The following PCDHGA3 variants were observed in gnomAD, a reference collection of about 807,000 sequenced individuals.
PCDHGA3 encodes protocadherin gamma subfamily A, 3, also known as protocadherin gamma-A3.
PCDHGA3 carries 40 observed loss-of-function variants against 58.5 expected under a neutral mutation model. That is an observed-to-expected ratio of 0.68 (90% confidence interval 0.53 to 0.89). The LOEUF is 0.89. PCDHGA3 is among the 40% of genes least tolerant of loss of function. The pLI is 0.00. For missense variants in PCDHGA3, 1,223 were observed against 1,195.9 expected (o/e 1.02, Z -0.33); for synonymous variants, 530 against 525.7 (o/e 1.01, Z -0.11).
chr5:141,357,723 T>C, intron 1 of PCDHGA3: 2 of 1,391,112 alleles, frequency 1.4e-6, no homozygotes, highest in Admixed American at 5.3e-5. Flanking sequence ...AAGTTGCCTC[T>C]TTTAATATTT....
intron 1 of PCDHGA3, among the ~76,000 whole-genome samples, chr5:141,472,980 C>CAAAAAAAAAAAAAAAAAGAAAAAAA (rs2099309731): frequency 1.2e-5 from 1 of 86,102 alleles, no homozygotes; most frequent in African/African-American, 3.9e-5. Flanking sequence ...GAGTGAAACT[C>CAAAAAAAAAAAAAAAAAGAAAAAAA]AAAAAAAAAA....
chr5:141,468,815 A>G (rs866523229), intron 1 of PCDHGA3, among the ~76,000 whole-genome samples: 7 of 151,958 alleles, frequency 4.6e-5, no homozygotes, highest in Middle Eastern at 3.4e-3. Context: ...GCAGTGAGCC[A>G]AGATCAAGCC....
At chr5:141,456,971 A>G (rs1031714073) in intron 1 of PCDHGA3, among the ~76,000 whole-genome samples, 1 of 147,384 alleles carries the variant, frequency 6.8e-6, no homozygotes, top group Non-Finnish European at 1.5e-5. Context: ...TCAAAACAAA[A>G]CAAACAAACA....
intron 1 of PCDHGA3, chr5:141,366,096 C>A (rs763995838): frequency 5.6e-6 from 9 of 1,614,108 alleles, no homozygotes; most frequent in Middle Eastern, 1.6e-4. Context: ...TACCTGGTGA[C>A]CAAGGTGGTA....
At chr5:141,394,154 C>A (rs770076493) in intron 1 of PCDHGA3, 1 of 1,613,918 alleles carries the variant, frequency 6.2e-7, no homozygotes, top group Admixed American at 1.7e-5. Context: ...ACATTAACGA[C>A]AACCCTCCTA....
At position 141,398,955 on chromosome 5, in the gene PCDHGA3, A is replaced by T. The variant is rs2093730495; in HGVS notation, c.2424+52498A>T. 1.2e-6 allele frequency: 2 copies of T among 1,613,966 alleles called. No homozygotes were observed. Among genetic ancestry groups the T allele is most frequent in the African/African-American group, 1.3e-5 (1 of 75,040 alleles). On this transcript the variant is annotated intron_variant, in intron 1 of 3. Transcript: ENST00000253812. ...ACCAAGACGAGGGCATCAACTCAGA[A>T]ATTACTTATTCCTTCTACAGAACCG...
chr5:141,394,667 G>C, intron 1 of PCDHGA3: 5 of 1,613,252 alleles, frequency 3.1e-6, no homozygotes, highest in Non-Finnish European at 4.2e-6. Flanking sequence ...GACTCTTCTC[G>C]GTGGGTCTGC....
Position 141,376,079 on chromosome 5 carries a change from G to A in PCDHGA3, c.2424+29622G>A, listed in dbSNP as rs367626751. ...TGTCACGCTCACCGTGGCCGTGGCC[G>A]ACAGGATCCCCGACATCCTGGCCGA... is the stretch of plus-strand genomic sequence containing the variant. On this transcript the variant is annotated intron_variant, in intron 1 of 3. Coordinates refer to ENST00000253812, the MANE Select transcript of PCDHGA3 (RefSeq NM_018916.4). The A allele has an allele frequency of 5.8e-5, 93 of 1,613,564 alleles. No individual in the cohort carries two copies. The highest frequency in any genetic ancestry group is 1.3e-4 in the Admixed American group (8 of 60,010).
chr5:141,395,427 T>A, intron 1 of PCDHGA3: 2 of 722,004 alleles, frequency 2.8e-6, no homozygotes, highest in Non-Finnish European at 4.3e-6. Flanking sequence ...CATTTGCTTT[T>A]AAACGACTTG....
At chr5:141,379,014 T>G (rs1440666109) in intron 1 of PCDHGA3, 1 of 152,222 alleles carries the variant, frequency 6.6e-6, no homozygotes, top group East Asian at 1.9e-4. Flanking sequence ...TCTCCAGTCA[T>G]GAGTTGGAAG....
chr5:141,361,749 C>A (rs1334871182), intron 1 of PCDHGA3: 1 of 1,612,938 alleles, frequency 6.2e-7, no homozygotes, highest in African/African-American at 1.3e-5. Context: ...GCGACCAGGG[C>A]TCGCCCGCGC....
intron 1 of PCDHGA3, among the ~76,000 whole-genome samples, chr5:141,401,860 A>G (rs2094201565): frequency 6.6e-6 from 1 of 152,182 alleles, no homozygotes. Flanking sequence ...TTAACCTTTC[A>G]GTAGTTTTCT....
intron 1 of PCDHGA3, chr5:141,411,443 G>A (rs780563062): frequency 6.6e-6 from 1 of 151,948 alleles, no homozygotes; most frequent in African/African-American, 2.4e-5. Context: ...CATTAGCAGA[G>A]TGTGGTAGCA....
chr5:141,400,212 C>G (rs773459521), intron 1 of PCDHGA3: 4 of 1,614,058 alleles, frequency 2.5e-6, no homozygotes, highest in Non-Finnish European at 3.4e-6. Context: ...TGGCCTTGAT[C>G]TCAGTGCTCT....
At chr5:141,457,881 G>T (rs2098931594) in intron 1 of PCDHGA3, among the ~76,000 whole-genome samples, 2 of 152,230 alleles carry the variant, frequency 1.3e-5, no homozygotes, top group African/African-American at 4.8e-5. Context: ...TAGGAACCCT[G>T]TGTGGGGACT....
At chr5:141,469,674 A>G (rs532726373) in intron 1 of PCDHGA3, among the ~76,000 whole-genome samples, 23 of 152,380 alleles carry the variant, frequency 1.5e-4, no homozygotes, top group Non-Finnish European at 2.2e-4. Flanking sequence ...TAATAAAACT[A>G]CATATGCATT....
rs1022106778 is a variant in PCDHGA3, at chr5:141,384,657, C to A, written c.2424+38200C>A. ...CACCCCGCTCCGCAGAGCCCGGCTACCTGGTGACCAAGGTGGTGGCGGTGG... is the reference window on the plus strand; with the variant it reads ...CACCCCGCTCCGCAGAGCCCGGCTAACTGGTGACCAAGGTGGTGGCGGTGG... On this transcript the variant is annotated intron_variant, in intron 1 of 3. Transcript: ENST00000253812. 23 of 1,614,124 alleles carry A rather than the reference C, an allele frequency of 1.4e-5. No homozygotes were observed. The African/African-American group carries it at 2.0e-4, about 14-fold the overall frequency.
Position 141,352,554 on chromosome 5 carries a change from A to C in PCDHGA3, c.2424+6097A>C, listed in dbSNP as rs183312809. Reference sequence around the variant, plus strand: ...GCAAAGACAGAGTTTAATTCTCTCAACCTGACACCGGAAATGGCTCCCCCT... The same window carrying C: ...GCAAAGACAGAGTTTAATTCTCTCACCCTGACACCGGAAATGGCTCCCCCT... On this transcript the variant is annotated intron_variant, in intron 1 of 3. Coordinates refer to ENST00000253812, the MANE Select transcript of PCDHGA3 (RefSeq NM_018916.4). 4.7e-4 allele frequency: 760 copies of C among 1,613,922 alleles called. 6 individuals are homozygous for C. The African/African-American group carries it at 8.3e-3, about 18-fold the overall frequency.
At chr5:141,492,121 C>G (rs1205499685) in intron 1 of PCDHGA3, among the ~76,000 whole-genome samples, 1 of 152,232 alleles carries the variant, frequency 6.6e-6, no homozygotes, top group Non-Finnish European at 1.5e-5. Context: ...CGATTTCTCC[C>G]CAGCTCCCAG....
Sources: allele counts gnomAD v4.1 joint callset (sites outside exome capture counted in the v4.1 genomes callset), GRCh38; gene constraint gnomAD v4.1.1; transcripts MANE v1.5; gene names NCBI Gene and HGNC (gene_info 2026-07-23, HGNC 2026-07-21).